Variants in CNTNAP2 observed in about 807,000 individuals in gnomAD.
CNTNAP2 encodes the protein contactin-associated protein-like 2.
CNTNAP2 carries 98 observed loss-of-function variants against 155.2 expected under a neutral mutation model. That is an observed-to-expected ratio of 0.63 (90% CI 0.54 to 0.75). The LOEUF (loss-of-function observed/expected upper bound fraction) is 0.75. CNTNAP2 is among the 30% of genes least tolerant of loss of function. The pLI, the probability that CNTNAP2 is intolerant of heterozygous loss-of-function variation, is 0.00. For synonymous variants in CNTNAP2, 651 were observed against 631.2 expected (o/e 1.03, Z -0.47); for missense variants, 1,727 against 1,688.1 (o/e 1.02, Z -0.40).
intron 8 of CNTNAP2, among the ~76,000 whole-genome samples, chr7:147,269,004 C>G (rs1804679667): frequency 6.6e-6 from 1 of 152,080 alleles, no homozygotes. Context: ...GCTCGAGTCT[C>G]TAATTTTTTA....
At chr7:147,221,541 G>A (rs1222920911) in intron 8 of CNTNAP2, among the ~76,000 whole-genome samples, 2 of 152,168 alleles carry the variant, frequency 1.3e-5, no homozygotes, top group Non-Finnish European at 2.9e-5. Flanking sequence ...CTCAGCTCAA[G>A]CCACCAGCCC....
intron 18 of CNTNAP2, among the ~76,000 whole-genome samples, chr7:148,216,879 C>T (rs1795647820): frequency 6.6e-6 from 1 of 152,092 alleles, no homozygotes; most frequent in Non-Finnish European, 1.5e-5. Context: ...CTCACAAGAG[C>T]TGATGGTTTT....
intron 8 of CNTNAP2, among the ~76,000 whole-genome samples, chr7:147,151,989 A>G (rs894795722): frequency 1.3e-5 from 2 of 152,144 alleles, no homozygotes; most frequent in Admixed American, 6.5e-5. Flanking sequence ...TGATCTAGTT[A>G]TGGAAAAAAA....
chr7:147,631,574 A>G (rs1192354242), intron 12 of CNTNAP2, among the ~76,000 whole-genome samples: 1 of 152,270 alleles, frequency 6.6e-6, no homozygotes, highest in South Asian at 2.1e-4. Flanking sequence ...TACCCTAATT[A>G]AAACTATTCT....
intron 11 of CNTNAP2, among the ~76,000 whole-genome samples, chr7:147,542,729 C>T (rs1799663135): frequency 1.3e-5 from 2 of 152,098 alleles, no homozygotes; most frequent in South Asian, 4.1e-4. Flanking sequence ...AAGTTGAGAT[C>T]CATAAATTTG....
chr7:146,351,115 C>T (rs1236694713), intron 1 of CNTNAP2, among the ~76,000 whole-genome samples: 1 of 151,378 alleles, frequency 6.6e-6, no homozygotes, highest in Non-Finnish European at 1.5e-5. Context: ...ACCAGCATGG[C>T]ACATATATAC....
At position 147,827,123 on chromosome 7, in the gene CNTNAP2, G is replaced by T. The variant is rs537047129; in HGVS notation, c.2099-76442G>T. On this transcript the variant is annotated intron_variant, in intron 13 of 23. Coordinates refer to ENST00000361727, the MANE Select transcript of CNTNAP2 (RefSeq NM_014141.6). ...TTTTTTCTATTTTCATTAGAGATGG[G>T]GTTTCGCCATTCACAGGATAAAATC... Among the ~76,000 whole-genome samples, 12 of 151,760 alleles carry T rather than the reference G, an allele frequency of 7.9e-5. 1 individual carries two copies. The South Asian group carries it at 2.5e-3, about 32-fold the overall frequency.
At chr7:147,782,455 G>C (rs999182926) in intron 13 of CNTNAP2, among the ~76,000 whole-genome samples, 2 of 152,096 alleles carry the variant, frequency 1.3e-5, no homozygotes, top group Non-Finnish European at 2.9e-5. Context: ...TGTTTGGGAG[G>C]CTGGGAAGTC....
intron 1 of CNTNAP2, among the ~76,000 whole-genome samples, chr7:146,702,189 A>G (rs1800889184): frequency 6.6e-6 from 1 of 152,164 alleles, no homozygotes; most frequent in African/African-American, 2.4e-5. Flanking sequence ...TATGTACTTA[A>G]CTATAGCTGA....
At chr7:146,682,689 G>C (rs779953046) in intron 1 of CNTNAP2, among the ~76,000 whole-genome samples, 3 of 152,142 alleles carry the variant, frequency 2.0e-5, no homozygotes, top group Non-Finnish European at 4.4e-5. Context: ...AGTTGTACTA[G>C]TAACTAAAAT....
chr7:146,285,978 C>G (rs749737315), intron 1 of CNTNAP2, among the ~76,000 whole-genome samples: 18 of 33,704 alleles, frequency 5.3e-4, no homozygotes, highest in Admixed American at 1.3e-3. Flanking sequence ...CCTTCCTTCT[C>G]TGTGTGTGTG....
At chr7:147,933,884 A>G (rs1017891370) in intron 14 of CNTNAP2, among the ~76,000 whole-genome samples, 12 of 152,166 alleles carry the variant, frequency 7.9e-5, no homozygotes, top group African/African-American at 2.7e-4. Flanking sequence ...AGAAAGAAAA[A>G]GAAAAAGGAG....
At chr7:147,368,668 G>GTC (rs1218670299) in intron 9 of CNTNAP2, among the ~76,000 whole-genome samples, 1 of 152,080 alleles carries the variant, frequency 6.6e-6, no homozygotes, top group African/African-American at 2.4e-5. Context: ...TAACATGGAA[G>GTC]TCTTCATTAA....
At chr7:148,401,287 A>G (rs990953888) in intron 22 of CNTNAP2, among the ~76,000 whole-genome samples, 4 of 152,172 alleles carry the variant, frequency 2.6e-5, no homozygotes, top group Non-Finnish European at 5.9e-5. Flanking sequence ...CCCACCAACC[A>G]TGTGGCTTTC....
chr7:147,448,472 ATG>A (rs201062278), intron 10 of CNTNAP2, among the ~76,000 whole-genome samples: 5,018 of 119,120 alleles, frequency 0.042, 85 homozygotes, highest in Middle Eastern at 0.058. Context: ...CAAACCAAAT[ATG>A]TGTGTGTGTG....
intron 1 of CNTNAP2, among the ~76,000 whole-genome samples, chr7:146,366,812 G>A (rs1795162219): frequency 6.6e-6 from 1 of 152,114 alleles, no homozygotes; most frequent in Non-Finnish European, 1.5e-5. Context: ...AAGAGAAGTT[G>A]TACTTCACAG....
chr7:147,773,447 C>A (rs909675345), intron 13 of CNTNAP2, among the ~76,000 whole-genome samples: 2 of 151,942 alleles, frequency 1.3e-5, no homozygotes, highest in Non-Finnish European at 2.9e-5. Flanking sequence ...ACCAGCCCAG[C>A]CAACATGGTG....
chr7:147,758,381 A>G (rs534189348), intron 13 of CNTNAP2, among the ~76,000 whole-genome samples: 6 of 152,316 alleles, frequency 3.9e-5, no homozygotes, highest in Admixed American at 3.3e-4. Context: ...CCAGGCAATG[A>G]GAGGACATTC....
At chr7:146,733,614 G>A (rs919100034) in intron 1 of CNTNAP2, among the ~76,000 whole-genome samples, 5 of 151,966 alleles carry the variant, frequency 3.3e-5, no homozygotes, top group South Asian at 2.1e-4. Flanking sequence ...TTCCTATAGC[G>A]AATAAACTGA....
Sources: gnomAD v4.1 joint callset for allele counts (sites outside exome capture counted in the v4.1 genomes callset) on GRCh38, gnomAD v4.1.1 for gene constraint, MANE v1.5 for transcripts, NCBI Gene and HGNC (gene_info 2026-07-23, HGNC 2026-07-21) for gene names.